MARCO: variants seen among roughly 807,000 people sequenced by gnomAD.
MARCO encodes macrophage receptor with collagenous structure, also known as macrophage receptor MARCO.
In MARCO, 72 loss-of-function variants were observed where a neutral mutation model predicts 70.0. The ratio of observed to expected loss-of-function variants is 1.03; its 90% CI spans 0.85 to 1.25. MARCO has a LOEUF of 1.25. MARCO is among the 50% of genes most tolerant of loss of function. The pLI, the probability that MARCO is intolerant of heterozygous loss-of-function variation, is 0.00. For synonymous variants in MARCO, 273 were observed against 243.1 expected, an observed-to-expected ratio of 1.12 and a Z score of -1.14; for missense variants, 696 against 659.3, an observed-to-expected ratio of 1.06 and a Z score of -0.61.
chr2:118,951,551 T>C (rs868585534), intron 1 of MARCO, among the ~76,000 whole-genome samples: 6 of 152,222 alleles, frequency 3.9e-5, no homozygotes, highest in Non-Finnish European at 7.3e-5. Flanking sequence ...CTGCTACAGA[T>C]TGAATGCATT....
At chr2:118,975,107 G>A (rs1358182354) in intron 6 of MARCO, among the ~76,000 whole-genome samples, 1 of 152,116 alleles carries the variant, frequency 6.6e-6, no homozygotes, top group African/African-American at 2.4e-5. Context: ...CATTTTTTTA[G>A]ACTGTTGCCT....
intron 4 of MARCO, among the ~76,000 whole-genome samples, chr2:118,972,294 G>C (rs111694381): frequency 4.7e-4 from 72 of 152,348 alleles, no homozygotes; most frequent in African/African-American, 1.6e-3. Flanking sequence ...TCTGCTGAGT[G>C]GTTGAAATTT....
In MARCO at chr2:118,970,275, A is replaced by G. The variant is rs1344211966; in HGVS notation, c.361A>G (p.Thr121Ala). The change falls in exon 3 of 17, where the codon ACC becomes GCC. Residue 121 changes from threonine (T) to alanine (A), a missense_variant. Coordinates refer to ENST00000327097, the MANE Select transcript of MARCO (RefSeq NM_006770.4). Reference sequence around the variant, plus strand: ...GCTGCAAGTCCTGCAGGCCCAACTCACCTGGGTCCGCGTCAGCCATGAGCA... The same window carrying G: ...GCTGCAAGTCCTGCAGGCCCAACTCGCCTGGGTCCGCGTCAGCCATGAGCA... ...SRLQVLQAQL[T>A]WVRVSHEHLL... 4 of 1,613,820 alleles carry G rather than the reference A, an allele frequency of 2.5e-6. No homozygotes were observed. The African/African-American group carries it at 4.0e-5, about 16-fold the overall frequency.
chr2:118,971,500 G>A lies in MARCO; in HGVS notation c.426G>A (p.Gly142=). The A allele has an allele frequency of 6.2e-6, 10 of 1,614,012 alleles. No individual in the cohort carries two copies. Among genetic ancestry groups the A allele is most frequent in the Non-Finnish European group, 8.5e-6 (10 of 1,179,914 alleles). The part of the protein sequence containing the change: ...QRVDNFTQNP[G]MFRIKGEQGA... ...CAGCTCACTCTCCTTCCCTTGCAGG[G>A]ATGTTCAGAATCAAAGGTGAACAAG... Residue 142 remains glycine, a splice_region_variant and synonymous_variant, in exon 4 of 17, where the codon GGG becomes GGA. Transcript: ENST00000327097.
intron 6 of MARCO, 76 bp downstream of exon 6, chr2:118,974,641 G>A (rs1680243334): frequency 2.1e-6 from 3 of 1,424,600 alleles, no homozygotes; most frequent in South Asian, 1.2e-5. Context: ...TGCAGACGCA[G>A]CCTCCCTCCA....
intron 6 of MARCO, among the ~76,000 whole-genome samples, chr2:118,974,987 C>T (rs529592143): frequency 6.6e-6 from 1 of 152,110 alleles, no homozygotes; most frequent in Non-Finnish European, 1.5e-5. Flanking sequence ...AGAAACCGAG[C>T]CTCAGTTTCT....
chr2:118,968,712 C>T (rs1411238609), intron 1 of MARCO, among the ~76,000 whole-genome samples: 1 of 152,218 alleles, frequency 6.6e-6, no homozygotes, highest in Non-Finnish European at 1.5e-5. Context: ...AGATCTGCTT[C>T]TTATAACCTA....
intron 2 of MARCO, among the ~76,000 whole-genome samples, chr2:118,969,648 A>G (rs1364526193): frequency 1.3e-5 from 2 of 152,212 alleles, no homozygotes; most frequent in East Asian, 1.9e-4. Flanking sequence ...AGTATTCCCA[A>G]TCTAAAGGTT....
chr2:118,974,400 G>T lies in MARCO; in HGVS notation c.528G>T (p.Glu176Asp). 1.2e-6 allele frequency: 2 copies of T among 1,612,786 alleles called. No homozygotes were observed. The highest frequency in any genetic ancestry group is 4.5e-5 in the East Asian group (2 of 44,848). ...CTGGCCCGCCGGGACCACCTGCTGA[G>T]AAGGGAGCCAAGGGGGCTATGGGAC... ...GAPGPPGPPA[E>D]KGAKGAMGRD... The change falls in exon 5 of 17, where the codon GAG (glutamate) becomes GAT (aspartate). Residue 176 changes from glutamate to aspartate, a missense_variant. Physicochemically the swap from Glu to Asp is conservative, Grantham distance 45. Coordinates refer to ENST00000327097, the MANE Select transcript of MARCO (RefSeq NM_006770.4).
chr2:118,959,301 T>A (rs773247733), intron 1 of MARCO, among the ~76,000 whole-genome samples: 67 of 149,028 alleles, frequency 4.5e-4, no homozygotes, highest in Admixed American at 2.1e-3. Flanking sequence ...AGAAAAAAAA[T>A]TCCATCAAAA....
At chr2:118,990,712 C>G (rs1349972879) in intron 13 of MARCO, 79 bp downstream of exon 13, 1 of 1,371,218 alleles carries the variant, frequency 7.3e-7, no homozygotes, top group African/African-American at 1.4e-5. Flanking sequence ...GTCTTGTTGA[C>G]ATTGAATGCA....
intron 12 of MARCO, 57 bp downstream of exon 12, chr2:118,982,467 A>T (rs959642286): frequency 1.3e-6 from 2 of 1,513,764 alleles, no homozygotes; most frequent in Non-Finnish European, 1.8e-6. Flanking sequence ...GGATGGATGG[A>T]GAGAAAAACT....
chr2:118,970,382 C>T, intron 3 of MARCO, 44 bp downstream of exon 3: 1 of 1,437,990 alleles, frequency 7.0e-7, no homozygotes, highest in Non-Finnish European at 9.6e-7. Flanking sequence ...CAACAGAGGT[C>T]TGGGAGACAG....
intron 8 of MARCO, among the ~76,000 whole-genome samples, chr2:118,979,063 A>G (rs1223509421): frequency 2.0e-5 from 3 of 152,204 alleles, no homozygotes; most frequent in African/African-American, 7.2e-5. Flanking sequence ...GCAGGAATAT[A>G]AGACATATGA....
chr2:118,977,180 A>T (rs918281957), intron 6 of MARCO, among the ~76,000 whole-genome samples: 1 of 149,970 alleles, frequency 6.7e-6, no homozygotes, highest in African/African-American at 2.4e-5. Context: ...ATTAAGGACC[A>T]GGCTTCCAAT....
At chr2:118,977,343 TGAGA>T (rs939273658) in intron 6 of MARCO, 124 bp from the exon 7 acceptor site, 4 of 731,528 alleles carry the variant, frequency 5.5e-6, no homozygotes, top group Admixed American at 4.0e-5. Flanking sequence ...AGAGTGAGAG[TGAGA>T]GAGAGAGAAA....
Position 118,994,427 on chromosome 2 carries a change from C to T in MARCO, c.1470C>T (p.Gly490=), listed in dbSNP as rs769277831. ...QIWLDNVQCR[G]TESTLWSCTK... ...GGCTGGATAATGTTCAGTGTCGGGG[C>T]ACGGAGAGTACCCTGTGGAGCTGCA... Residue 490 remains glycine, a synonymous_variant, in exon 17 of 17, where the codon GGC becomes GGT. Transcript: ENST00000327097. 1 of 1,614,122 alleles carries T rather than the reference C, an allele frequency of 6.2e-7. No individual in the cohort carries two copies. The highest frequency in any genetic ancestry group is 8.5e-7 in the Non-Finnish European group (1 of 1,179,994).
Position 118,970,009 on chromosome 2 carries a change from T to G in MARCO, c.200-105T>G. On this transcript the variant is annotated intron_variant, in intron 2 of 16. Transcript: ENST00000327097. The stretch of plus-strand genomic sequence containing the variant: ...TCCTGACAGCACATGGAATTTGTGT[T>G]TACAAATTCAGGGCCTGTAGAAGTT... 3.0e-6 allele frequency: 3 copies of G among 990,062 alleles called. No individual in the cohort carries two copies. In the South Asian group the frequency reaches 4.3e-5, roughly 14 times the overall value. The allele number at this position is 990,062 out of a possible 1,614,324, so 61.3% of individuals were successfully genotyped here. A position where few individuals can be genotyped will look rare whatever the true frequency, so the allele number is the denominator to read the frequency against.
chr2:118,968,850 C>T (rs1680107059), intron 1 of MARCO, among the ~76,000 whole-genome samples: 1 of 152,292 alleles, frequency 6.6e-6, no homozygotes, highest in African/African-American at 2.4e-5. Flanking sequence ...ATTGAGAACC[C>T]AACAGGGCCA....
Sources: allele counts gnomAD v4.1 joint callset (sites outside exome capture counted in the v4.1 genomes callset), GRCh38; gene constraint gnomAD v4.1.1; transcripts MANE v1.5; gene names NCBI Gene and HGNC (gene_info 2026-07-23, HGNC 2026-07-21).